Variants in PLXNA4 observed in about 807,000 individuals in gnomAD.
PLXNA4 encodes plexin-A4.
PLXNA4 carries 44 observed loss-of-function variants against 191.8 expected under a neutral mutation model. The observed-to-expected ratio is 0.23, with a 90% CI of 0.18 to 0.29. The LOEUF (loss-of-function observed/expected upper bound fraction) is 0.29, where lower values mean the gene tolerates loss of function less well. PLXNA4 is among the 10% of genes least tolerant of loss of function. The probability of loss-of-function intolerance (pLI) is 1.00; values close to 1 mark genes in which losing one functional copy is unlikely to be tolerated. For synonymous variants in PLXNA4, 1,082 were observed against 1,009.5 expected (o/e 1.07, Z -1.36); for missense variants, 1,800 against 2,488.8 (o/e 0.72, Z 5.89).
intron 1 of PLXNA4, among the ~76,000 whole-genome samples, chr7:132,550,109 G>C (rs1800495071): frequency 6.6e-6 from 1 of 152,162 alleles, no homozygotes; most frequent in African/African-American, 2.4e-5. Context: ...CCCACCTGCT[G>C]CCCAAGGGTA....
intron 1 of PLXNA4, among the ~76,000 whole-genome samples, chr7:132,529,779 G>A (rs1004117039): frequency 6.6e-6 from 1 of 151,968 alleles, no homozygotes; most frequent in African/African-American, 2.4e-5. Flanking sequence ...CTAATTTTTT[G>A]TATTTTTAGT....
chr7:132,273,707 G>A (rs576527010), intron 4 of PLXNA4, among the ~76,000 whole-genome samples: 8 of 152,080 alleles, frequency 5.3e-5, no homozygotes, highest in African/African-American at 1.9e-4. Flanking sequence ...ACTTCAGCTT[G>A]TTTCCCCCCA....
intron 1 of PLXNA4, among the ~76,000 whole-genome samples, chr7:132,563,263 C>CTCT (rs1801424471): frequency 8.5e-6 from 1 of 117,686 alleles, no homozygotes; most frequent in Non-Finnish European, 1.8e-5. Flanking sequence ...ACTCCTTCTC[C>CTCT]TCTTCATCCT....
chr7:132,417,829 T>C (rs374453018), intron 3 of PLXNA4, among the ~76,000 whole-genome samples: 6 of 152,162 alleles, frequency 3.9e-5, no homozygotes, highest in African/African-American at 1.2e-4. Flanking sequence ...GGAAAGCTGG[T>C]TTACTCTTTG....
intron 2 of PLXNA4, among the ~76,000 whole-genome samples, chr7:132,610,925 C>T (rs998238587): frequency 1.3e-5 from 2 of 152,166 alleles, no homozygotes; most frequent in African/African-American, 4.8e-5. Flanking sequence ...GCCCGTGGAG[C>T]AGTTCCTTGT....
At chr7:132,176,448 A>C (rs1032379341) in intron 20 of PLXNA4, among the ~76,000 whole-genome samples, 5 of 152,332 alleles carry the variant, frequency 3.3e-5, no homozygotes, top group African/African-American at 1.2e-4. Flanking sequence ...GTATGCTTAT[A>C]AGAGAGTGTG....
intron 1 of PLXNA4, among the ~76,000 whole-genome samples, chr7:132,512,064 C>T (rs1798734122): frequency 6.6e-6 from 1 of 152,236 alleles, no homozygotes; most frequent in Non-Finnish European, 1.5e-5. Context: ...AGAGACTGCT[C>T]TTTGGGCACC....
At chr7:132,185,168 G>A (rs1409548542) in intron 16 of PLXNA4, 131 bp downstream of exon 16, 6 of 1,335,746 alleles carry the variant, frequency 4.5e-6, no homozygotes, top group African/African-American at 3.0e-5. Flanking sequence ...ATTTGGGGGT[G>A]TTTGGAATCA....
intron 9 of PLXNA4, among the ~76,000 whole-genome samples, chr7:132,220,542 T>C (rs1342890804): frequency 6.6e-6 from 1 of 152,194 alleles, no homozygotes; most frequent in East Asian, 1.9e-4. Flanking sequence ...CTATGGCTCA[T>C]GGGAAATGGA....
intron 3 of PLXNA4, among the ~76,000 whole-genome samples, chr7:132,467,546 T>C (rs1202271602): frequency 6.6e-6 from 1 of 152,218 alleles, no homozygotes; most frequent in Non-Finnish European, 1.5e-5. Flanking sequence ...GGGCATCATG[T>C]CCCAGTGCAT....
intron 2 of PLXNA4, among the ~76,000 whole-genome samples, chr7:132,637,476 C>T (rs111908156): frequency 7.2e-5 from 11 of 152,320 alleles, no homozygotes; most frequent in African/African-American, 1.2e-4. Flanking sequence ...GGCCACACGA[C>T]GTTCTCAGTC....
chr7:132,148,061 A>C, intron 26 of PLXNA4, 62 bp from the exon 27 acceptor site: 1 of 1,612,428 alleles, frequency 6.2e-7, no homozygotes, highest in Non-Finnish European at 8.5e-7. Context: ...GGAAATAAGG[A>C]CAAATCATGA....
chr7:132,346,994 C>T (rs1226311297), intron 3 of PLXNA4, among the ~76,000 whole-genome samples: 1 of 152,150 alleles, frequency 6.6e-6, no homozygotes, highest in African/African-American at 2.4e-5. Context: ...CATCCCTTTG[C>T]TAAGCTTGGC....
At chr7:132,279,514 G>A (rs1176408069) in intron 4 of PLXNA4, among the ~76,000 whole-genome samples, 2 of 152,040 alleles carry the variant, frequency 1.3e-5, no homozygotes, top group African/African-American at 2.4e-5. Context: ...TGCACCTGTA[G>A]TTCTCAGCTA....
intron 3 of PLXNA4, among the ~76,000 whole-genome samples, chr7:132,442,510 C>T (rs1795733678): frequency 6.6e-6 from 1 of 152,238 alleles, no homozygotes; most frequent in Non-Finnish European, 1.5e-5. Context: ...ACTTTCCCCA[C>T]CACCTACGTG....
intron 3 of PLXNA4, among the ~76,000 whole-genome samples, chr7:132,474,948 G>C (rs1296345505): frequency 6.6e-6 from 1 of 152,184 alleles, no homozygotes; most frequent in African/African-American, 2.4e-5. Context: ...ATTCATAAGA[G>C]AGATGGAGGG....
At chr7:132,260,794 A>G (rs986764855) in intron 4 of PLXNA4, among the ~76,000 whole-genome samples, 7 of 152,194 alleles carry the variant, frequency 4.6e-5, no homozygotes, top group African/African-American at 1.7e-4. Context: ...GTATGATATC[A>G]TAATGGTGGA....
At chr7:132,299,966 G>A (rs1194260296) in intron 3 of PLXNA4, among the ~76,000 whole-genome samples, 1 of 152,328 alleles carries the variant, frequency 6.6e-6, no homozygotes, top group East Asian at 1.9e-4. Context: ...TGGAACCAGG[G>A]CAGGTCAAAC....
At chr7:132,219,991 A>G (rs1264430274) in intron 9 of PLXNA4, among the ~76,000 whole-genome samples, 3 of 152,224 alleles carry the variant, frequency 2.0e-5, no homozygotes, top group African/African-American at 7.2e-5. Context: ...TGTTCGCACA[A>G]TGACAAAATT....
Sources: allele counts gnomAD v4.1 joint callset (sites outside exome capture counted in the v4.1 genomes callset), GRCh38; gene constraint gnomAD v4.1.1; transcripts MANE v1.5; gene names NCBI Gene and HGNC (gene_info 2026-07-23, HGNC 2026-07-21).